Variants in BNIP3L observed in about 807,000 individuals in gnomAD.
BNIP3L encodes the protein BCL2/adenovirus E1B 19 kDa protein-interacting protein 3-like.
A neutral mutation model predicts 25.5 loss-of-function variants in BNIP3L; 10 were observed. The ratio of observed to expected loss-of-function variants is 0.39; its 90% CI spans 0.24 to 0.67. The LOEUF is 0.67. Ranked by LOEUF, BNIP3L falls within the 30% of genes least tolerant of loss-of-function variation. The probability of loss-of-function intolerance (pLI) is 0.45; values close to 1 mark genes in which losing one functional copy is unlikely to be tolerated. For missense variants in BNIP3L, 215 were observed against 270.9 expected (o/e 0.79, Z 1.45); for synonymous variants, 113 against 101.2 (o/e 1.12, Z -0.70).
chr8:26,404,494 C>T (rs903377524), intron 3 of BNIP3L, among the ~76,000 whole-genome samples: 1 of 152,110 alleles, frequency 6.6e-6, no homozygotes, highest in South Asian at 2.1e-4. Context: ...TGTGAGAGAA[C>T]AGGCTAGAAC....
intron 1 of BNIP3L, chr8:26,390,442 A>G: frequency 1.0e-6 from 1 of 985,352 alleles, no homozygotes; most frequent in Non-Finnish European, 1.2e-6. Flanking sequence ...TTCTGCTCCC[A>G]AATCAACAGG....
At chr8:26,384,449 A>G (rs549149938) in intron 1 of BNIP3L, among the ~76,000 whole-genome samples, 1 of 152,314 alleles carries the variant, frequency 6.6e-6, no homozygotes, top group Admixed American at 6.5e-5. Context: ...AGAATGTAAG[A>G]TGGTTATATT....
intron 3 of BNIP3L, among the ~76,000 whole-genome samples, chr8:26,399,917 A>T: frequency 6.8e-6 from 1 of 147,964 alleles, no homozygotes; most frequent in East Asian, 2.0e-4. Flanking sequence ...ATAAAAGAGG[A>T]TACAAAGAAA....
Position 26,383,118 on chromosome 8 carries a change from C to CA in BNIP3L, c.-12dup. 1 of 1,601,242 alleles carries CA rather than the reference C, an allele frequency of 6.2e-7. No individual in the cohort carries two copies. The highest frequency in any genetic ancestry group is 8.5e-7 in the Non-Finnish European group (1 of 1,173,874). ...GGTCCTGCTGCTGCCGCAGTCCTGC[C>CA]AGCTGTCCGACAATGTCGTCCCACC... On this transcript the variant is annotated 5_prime_UTR_variant, in exon 1 of 6. Coordinates refer to ENST00000380629, the MANE Select transcript of BNIP3L (RefSeq NM_004331.3).
intron 3 of BNIP3L, among the ~76,000 whole-genome samples, chr8:26,405,638 A>AT (rs1205325611): frequency 1.3e-5 from 2 of 152,224 alleles, no homozygotes; most frequent in African/African-American, 4.8e-5. Flanking sequence ...ACTGAAAAGA[A>AT]TGACAGCTTT....
At chr8:26,408,182 C>T (rs943926993) in intron 4 of BNIP3L, 45 bp from the exon 5 acceptor site, 10 of 1,611,524 alleles carry the variant, frequency 6.2e-6, no homozygotes, top group African/African-American at 5.3e-5. Flanking sequence ...GTAATCCCCA[C>T]GATATTTTCA....
chr8:26,410,979 A>T lies in BNIP3L; in HGVS notation c.*567A>T, dbSNP rs1375970991. ...AAAAAATATCCTGGGCAATAAAAAAAATATTTTAAACCAGCTTTGGAGCCA... is the reference window on the plus strand; with the variant it reads ...AAAAAATATCCTGGGCAATAAAAAATATATTTTAAACCAGCTTTGGAGCCA... On this transcript the variant is annotated 3_prime_UTR_variant, in exon 6 of 6. Coordinates refer to ENST00000380629, the MANE Select transcript of BNIP3L (RefSeq NM_004331.3). The T allele has an allele frequency of 1.3e-5, 2 of 152,476 alleles. No individual in the cohort carries two copies. The highest frequency in any genetic ancestry group is 2.1e-4 in the South Asian group (1 of 4,844). 9.4% of individuals were successfully genotyped at this position (152,476 alleles called of 1,614,324 possible). A position where few individuals can be genotyped will look rare whatever the true frequency, so the allele number is the denominator to read the frequency against.
At position 26,410,654 on chromosome 8, in the gene BNIP3L, T is replaced by C; in HGVS notation, c.*242T>C. On this transcript the variant is annotated 3_prime_UTR_variant, in exon 6 of 6. Coordinates refer to ENST00000380629, the MANE Select transcript of BNIP3L (RefSeq NM_004331.3). ...TTTCCTAACAGAGTTTACTGTTGTT[T>C]AGAAATTTGCAAGGGCTTCTTTTCC... 3 of 507,624 alleles carry C rather than the reference T, an allele frequency of 5.9e-6. No homozygotes were observed. Among genetic ancestry groups the C allele is most frequent in the Non-Finnish European group, 7.1e-6 (2 of 281,610 alleles). The allele number at this position is 507,624 out of a possible 1,614,324, so 31.4% of individuals were successfully genotyped here. A position where few individuals can be genotyped will look rare whatever the true frequency, so the allele number is the denominator to read the frequency against.
At chr8:26,405,886 T>C (rs1321095726) in intron 3 of BNIP3L, among the ~76,000 whole-genome samples, 1 of 151,636 alleles carries the variant, frequency 6.6e-6, no homozygotes, top group Non-Finnish European at 1.5e-5. Flanking sequence ...CTACGAAAAA[T>C]ATAAAAATTT....
rs1456626336 is a variant in BNIP3L, at chr8:26,411,240, C to T, written c.*828C>T. The stretch of plus-strand genomic sequence containing the variant: ...TTGCGTGTGTGTTTGATATTTTTTA[C>T]GATAATTAGCTGCATGTGAATTTTT... On this transcript the variant is annotated 3_prime_UTR_variant, in exon 6 of 6. Transcript: ENST00000380629. 6.6e-6 allele frequency: 1 copy of T among 152,440 alleles called. No homozygotes were observed. Among genetic ancestry groups the T allele is most frequent in the Admixed American group, 6.6e-5 (1 of 15,260 alleles). The allele number at this position is 152,440 out of a possible 1,614,324, so 9.4% of individuals were successfully genotyped here.
At chr8:26,410,334 G>T in intron 5 of BNIP3L, 30 bp from the exon 6 acceptor site, 2 of 1,613,856 alleles carry the variant, frequency 1.2e-6, no homozygotes, top group Non-Finnish European at 1.7e-6. Context: ...GTTGAAACAG[G>T]TGAAACATGA....
intron 3 of BNIP3L, among the ~76,000 whole-genome samples, chr8:26,404,512 A>G (rs1563342525): frequency 6.6e-6 from 1 of 152,112 alleles, no homozygotes; most frequent in African/African-American, 2.4e-5. Flanking sequence ...AACGATCAGA[A>G]TCTTCTTTGT....
At chr8:26,383,960 A>G (rs1585428044) in intron 1 of BNIP3L, among the ~76,000 whole-genome samples, 2 of 151,546 alleles carry the variant, frequency 1.3e-5, no homozygotes, top group Non-Finnish European at 2.9e-5. Context: ...CTCCTGAACC[A>G]CCCAAGATTG....
intron 1 of BNIP3L, among the ~76,000 whole-genome samples, chr8:26,385,612 A>G (rs1805975933): frequency 1.8e-5 from 2 of 112,866 alleles, no homozygotes; most frequent in African/African-American, 3.4e-5. Flanking sequence ...CAAAAAAAAA[A>G]AGGGGCGAGG....
chr8:26,405,199 T>C (rs1806472764), intron 3 of BNIP3L, among the ~76,000 whole-genome samples: 1 of 152,216 alleles, frequency 6.6e-6, no homozygotes, highest in Non-Finnish European at 1.5e-5. Context: ...TATTAACTTG[T>C]TAAATCTTTG....
intron 3 of BNIP3L, among the ~76,000 whole-genome samples, chr8:26,401,477 TAGTG>T (rs1318599421): frequency 6.6e-6 from 1 of 150,724 alleles, no homozygotes; most frequent in East Asian, 1.9e-4. Flanking sequence ...GATGACGAGT[TAGTG>T]GGTGCAGCAC....
At chr8:26,394,975 C>A (rs1225081129) in intron 2 of BNIP3L, among the ~76,000 whole-genome samples, 1 of 152,146 alleles carries the variant, frequency 6.6e-6, no homozygotes, top group Non-Finnish European at 1.5e-5. Flanking sequence ...GATAGTATTT[C>A]CTTTGCAAAT....
At chr8:26,407,635 G>A (rs17310140) in intron 3 of BNIP3L, among the ~76,000 whole-genome samples, 35,718 of 152,046 alleles carry the variant, frequency 0.23, 5,179 homozygotes, top group Non-Finnish European at 0.32. Flanking sequence ...GCCTAATTAC[G>A]AAAATTTTAA....
At chr8:26,397,580 C>T (rs1277076864) in intron 3 of BNIP3L, among the ~76,000 whole-genome samples, 1 of 81,754 alleles carries the variant, frequency 1.2e-5, no homozygotes, top group Non-Finnish European at 2.5e-5. Flanking sequence ...AGCAAAATCA[C>T]CAGCTAACAT....
Sources: allele counts gnomAD v4.1 joint callset (sites outside exome capture counted in the v4.1 genomes callset), GRCh38; gene constraint gnomAD v4.1.1; transcripts MANE v1.5; gene names NCBI Gene and HGNC (gene_info 2026-07-23, HGNC 2026-07-21).